The following RBFOX1 variants were observed in gnomAD, a reference collection of about 807,000 sequenced individuals.
RBFOX1 encodes the protein RNA binding fox-1 homolog 1.
In RBFOX1, 8 loss-of-function variants were observed where a neutral mutation model predicts 57.7. That is an observed-to-expected ratio of 0.14 (90% CI 0.08 to 0.25). The LOEUF is 0.25. RBFOX1 is among the 10% of genes least tolerant of loss of function. The pLI is 1.00. For synonymous variants in RBFOX1, 326 were observed against 222.4 expected (o/e 1.47, Z -4.15); for missense variants, 611 against 548.5 (o/e 1.11, Z -1.14).
At chr16:7,192,635 A>G (rs2085705414) in intron 4 of RBFOX1, among the ~76,000 whole-genome samples, 1 of 152,184 alleles carries the variant, frequency 6.6e-6, no homozygotes, top group African/African-American at 2.4e-5. Context: ...TGCAATAGAC[A>G]GTTTAGATCA....
intron 3 of RBFOX1, among the ~76,000 whole-genome samples, chr16:7,029,081 TACACACACAC>T (rs71147635): frequency 0.013 from 612 of 47,914 alleles, 70 homozygotes; most frequent in African/African-American, 0.077. Flanking sequence ...TATATATATA[TACACACACAC>T]ACACACACAC....
intron 3 of RBFOX1, among the ~76,000 whole-genome samples, chr16:6,730,665 G>A (rs976865398): frequency 2.8e-4 from 43 of 152,178 alleles, no homozygotes; most frequent in Non-Finnish European, 2.9e-5. Flanking sequence ...TTCAATCATG[G>A]TGAAATAACA....
At chr16:6,525,979 C>T (rs1489090672) in intron 2 of RBFOX1, among the ~76,000 whole-genome samples, 1 of 151,924 alleles carries the variant, frequency 6.6e-6, no homozygotes, top group Non-Finnish European at 1.5e-5. Context: ...AAGTAAAGGT[C>T]AAGTAAAAAT....
At chr16:6,033,113 A>C (rs2095313950) in intron 1 of RBFOX1, among the ~76,000 whole-genome samples, 1 of 152,200 alleles carries the variant, frequency 6.6e-6, no homozygotes, top group African/African-American at 2.4e-5. Flanking sequence ...TGAGCACAGC[A>C]AATTGCGTGC....
intron 1 of RBFOX1, among the ~76,000 whole-genome samples, chr16:5,369,734 G>A (rs557071361): frequency 6.6e-6 from 1 of 152,160 alleles, no homozygotes; most frequent in Non-Finnish European, 1.5e-5. Flanking sequence ...TGTGGTTGAA[G>A]CCACCCTTTC....
rs185574161 is a variant in RBFOX1, at chr16:5,354,165, C to G, written c.220-113051C>G. Among the ~76,000 whole-genome samples, 14 of 152,336 alleles carry G rather than the reference C, an allele frequency of 9.2e-5. No individual in the cohort carries two copies. In the East Asian group the frequency reaches 2.5e-3, roughly 27 times the overall value. On this transcript the variant is annotated intron_variant, in intron 1 of 2. Coordinates refer to the RBFOX1 transcript ENST00000585867. The stretch of plus-strand genomic sequence containing the variant: ...ATTTTCCCTGTCTCCTTGAGCCAGG[C>G]AGGTGCACTTGCGGGAGCTGTTCCT...
chr16:6,654,570 C>T (rs1335932634), intron 2 of RBFOX1, 33 bp from the exon 3 acceptor site: 4 of 1,484,268 alleles, frequency 2.7e-6, no homozygotes, highest in South Asian at 1.3e-5. Flanking sequence ...CCTGTTCTTT[C>T]TCTCACTTTC....
intron 2 of RBFOX1, among the ~76,000 whole-genome samples, chr16:6,491,622 C>G (rs1269473856): frequency 1.3e-5 from 2 of 152,164 alleles, no homozygotes; most frequent in Non-Finnish European, 2.9e-5. Context: ...ATAAGCTAGA[C>G]ACTGTACTAA....
intron 4 of RBFOX1, among the ~76,000 whole-genome samples, chr16:5,880,585 C>T (rs2057738022): frequency 6.6e-6 from 1 of 152,140 alleles, no homozygotes; most frequent in African/African-American, 2.4e-5. Context: ...GTCTAGGAGG[C>T]TAAAGACCTG....
At chr16:6,852,449 A>G (rs2094122197) in intron 3 of RBFOX1, among the ~76,000 whole-genome samples, 2 of 152,230 alleles carry the variant, frequency 1.3e-5, no homozygotes, top group African/African-American at 2.4e-5. Flanking sequence ...GACCTGAGAT[A>G]TCTGAGTGGC....
chr16:7,071,414 C>T (rs1189831571), intron 4 of RBFOX1, among the ~76,000 whole-genome samples: 2 of 152,000 alleles, frequency 1.3e-5, no homozygotes, highest in Admixed American at 6.6e-5. Context: ...CTCCTAGCCT[C>T]CTAGCTGCAG....
At chr16:6,944,725 C>T (rs533866190) in intron 3 of RBFOX1, among the ~76,000 whole-genome samples, 8 of 152,232 alleles carry the variant, frequency 5.3e-5, no homozygotes, top group East Asian at 1.9e-4. Context: ...ACCTTTCTGC[C>T]CCTTGACATA....
At chr16:6,826,734 C>A (rs1171447716) in intron 3 of RBFOX1, among the ~76,000 whole-genome samples, 1 of 152,204 alleles carries the variant, frequency 6.6e-6, no homozygotes, top group South Asian at 2.1e-4. Context: ...ACGCTCATTT[C>A]TCTTTAATAA....
At chr16:6,774,140 G>A (rs1397999486) in intron 3 of RBFOX1, 9 of 395,962 alleles carry the variant, frequency 2.3e-5, no homozygotes, top group African/African-American at 6.6e-5. Context: ...AACAAAGACC[G>A]GCACTCTGGG....
intron 3 of RBFOX1, among the ~76,000 whole-genome samples, chr16:6,943,640 G>C (rs1318558545): frequency 1.3e-5 from 2 of 151,686 alleles, no homozygotes; most frequent in Admixed American, 6.6e-5. Context: ...CCCGGGAGGC[G>C]GAGCTTGCAG....
intron 1 of RBFOX1, among the ~76,000 whole-genome samples, chr16:5,454,364 T>G (rs1337636014): frequency 6.6e-6 from 1 of 152,234 alleles, no homozygotes; most frequent in Non-Finnish European, 1.5e-5. Context: ...GTCAGAAGTT[T>G]GAGCAGGTGT....
At chr16:7,104,503 G>A (rs1276889251) in intron 4 of RBFOX1, among the ~76,000 whole-genome samples, 2 of 152,086 alleles carry the variant, frequency 1.3e-5, no homozygotes, top group Non-Finnish European at 1.5e-5. Context: ...ATCTATTCAA[G>A]ATCCTGACTT....
At chr16:6,798,854 A>T (rs991922492) in intron 3 of RBFOX1, among the ~76,000 whole-genome samples, 5 of 152,148 alleles carry the variant, frequency 3.3e-5, no homozygotes, top group Non-Finnish European at 7.4e-5. Context: ...AGTGTAATTC[A>T]ATCTGCAGTT....
intron 3 of RBFOX1, among the ~76,000 whole-genome samples, chr16:5,866,586 T>C (rs2057348049): frequency 6.6e-6 from 1 of 152,210 alleles, no homozygotes; most frequent in South Asian, 2.1e-4. Context: ...TTGGGAGGTG[T>C]CTACACCAAA....
Sources: allele counts gnomAD v4.1 joint callset (sites outside exome capture counted in the v4.1 genomes callset), GRCh38; gene constraint gnomAD v4.1.1; transcripts MANE v1.5; gene names NCBI Gene and HGNC (gene_info 2026-07-23, HGNC 2026-07-21).